LIMCH1: variants seen among roughly 807,000 people sequenced by gnomAD.
LIMCH1 encodes LIM and calponin homology domains-containing protein 1.
In LIMCH1, 113 loss-of-function variants were observed where a neutral mutation model predicts 176.5. The observed-to-expected ratio is 0.64, with a 90% confidence interval of 0.55 to 0.75. The LOEUF (loss-of-function observed/expected upper bound fraction) is 0.75. Ranked by LOEUF, LIMCH1 falls within the 30% of genes least tolerant of loss-of-function variation. The probability of loss-of-function intolerance (pLI) is 0.00; values close to 1 mark genes in which losing one functional copy is unlikely to be tolerated. For missense variants in LIMCH1, 1,674 were observed against 1,814.9 expected (o/e 0.92, Z 1.41); for synonymous variants, 619 against 645.9 (o/e 0.96, Z 0.63).
chr4:41,531,161 G>A (rs1416307860), intron 3 of LIMCH1, among the ~76,000 whole-genome samples: 1 of 151,914 alleles, frequency 6.6e-6, no homozygotes, highest in East Asian at 1.9e-4. Flanking sequence ...AACACTTTCC[G>A]AACATTTGTT....
chr4:41,480,042 G>GA (rs915419377), intron 1 of LIMCH1, among the ~76,000 whole-genome samples: 5 of 149,990 alleles, frequency 3.3e-5, no homozygotes, highest in East Asian at 3.9e-4. Context: ...TATGAAGCTT[G>GA]AAAAAAAAAT....
intron 1 of LIMCH1, among the ~76,000 whole-genome samples, chr4:41,407,415 A>C (rs2059076304): frequency 6.6e-6 from 1 of 152,246 alleles, no homozygotes. Flanking sequence ...TTTTTTGTAG[A>C]GAGGAGGTCT....
At chr4:41,424,260 T>C (rs2060880072) in intron 1 of LIMCH1, among the ~76,000 whole-genome samples, 1 of 152,140 alleles carries the variant, frequency 6.6e-6, no homozygotes, top group East Asian at 1.9e-4. Context: ...TCTTGTTTTA[T>C]ATATACAGCA....
At chr4:41,463,654 C>T (rs1024801642) in intron 1 of LIMCH1, among the ~76,000 whole-genome samples, 4 of 151,632 alleles carry the variant, frequency 2.6e-5, no homozygotes, top group African/African-American at 9.7e-5. Flanking sequence ...CGGCTCACTG[C>T]AGCCCCCATT....
At chr4:41,547,689 TATATATACATATATAATAGTATACAC>T (rs2079685245) in intron 1 of LIMCH1, among the ~76,000 whole-genome samples, 1 of 145,986 alleles carries the variant, frequency 6.8e-6, no homozygotes, top group Admixed American at 6.9e-5. Flanking sequence ...ATATGTATGT[TATATATACATATATAATAGTATACAC>T]ATATATACAT....
chr4:41,566,001 A>G (rs534519200), intron 1 of LIMCH1, among the ~76,000 whole-genome samples: 1 of 152,328 alleles, frequency 6.6e-6, no homozygotes, highest in Non-Finnish European at 1.5e-5. Context: ...CCTGTTTCAC[A>G]GATAAGGAAA....
rs34534406 is a variant in LIMCH1, at chr4:41,497,318, GAA to G, written c.167+2723_167+2724del. On this transcript the variant is annotated intron_variant, in intron 2 of 26. Transcript: ENST00000313860. ...TCCTGAGTTGTTGTAGGAGTCTAAA[GAA>G]AAAAAAAAAAGCTTCATCATTTTCA... Among the ~76,000 whole-genome samples the G allele has an allele frequency of 4.6e-3, 653 of 142,144 alleles. 1 individual carries two copies. The highest frequency in any genetic ancestry group is 9.7e-3 in the African/African-American group (377 of 39,024). 93.3% of individuals were successfully genotyped at this position (142,144 alleles called of 152,430 possible). A position where few individuals can be genotyped will look rare whatever the true frequency, so the allele number is the denominator to read the frequency against.
intron 1 of LIMCH1, among the ~76,000 whole-genome samples, chr4:41,597,449 T>A (rs957007141): frequency 6.6e-6 from 1 of 152,222 alleles, no homozygotes; most frequent in African/African-American, 2.4e-5. Flanking sequence ...ATGTATTAAT[T>A]TTTTTATTAC....
chr4:41,467,174 C>T (rs796292867), intron 1 of LIMCH1, among the ~76,000 whole-genome samples: 65,514 of 144,506 alleles, frequency 0.45, 16,488 homozygotes, highest in African/African-American at 0.69. Context: ...CACACACACA[C>T]ACACACACAC....
chr4:41,550,142 T>G (rs920880875), intron 1 of LIMCH1, among the ~76,000 whole-genome samples: 1 of 151,808 alleles, frequency 6.6e-6, no homozygotes. Context: ...CCATTTCTTA[T>G]GCCCACTGTC....
In LIMCH1 at chr4:41,367,943, CTG is replaced by C. The variant is rs1383941491; in HGVS notation, c.96+7009_96+7010del. On this transcript the variant is annotated intron_variant, in intron 1 of 26. Coordinates refer to the LIMCH1 transcript ENST00000313860. ...GCTTTTTCATTTCCATGACTGAAAA[CTG>C]TTAAAAAAAATTCCTCAGCCTTATT... Among the ~76,000 whole-genome samples the C allele has an allele frequency of 5.3e-5, 8 of 149,610 alleles. No individual in the cohort carries two copies. In the South Asian group the frequency reaches 1.5e-3, roughly 28 times the overall value.
intron 13 of LIMCH1, among the ~76,000 whole-genome samples, chr4:41,635,715 G>A (rs188537111): frequency 6.6e-6 from 1 of 152,190 alleles, no homozygotes; most frequent in Non-Finnish European, 1.5e-5. Context: ...TATGTGTAAA[G>A]CACTGTGCTG....
rs112671869 is a variant in LIMCH1, at chr4:41,670,671, C to T, written c.3398-883C>T. 1.4e-3 allele frequency: 2,000 copies of T among 1,401,900 alleles called. 26 individuals carry two copies. The African/African-American group carries it at 0.026, about 18-fold the overall frequency. 86.8% of individuals were successfully genotyped at this position (1,401,900 alleles called of 1,614,324 possible). ...AGCATGGTTCTATTCAGTTCTCACC[C>T]CAGTTTTCATGGTTTTCTGTTTGTT... On this transcript the variant is annotated intron_variant, in intron 21 of 31. Coordinates refer to ENST00000503057, the MANE Select transcript of LIMCH1 (RefSeq NM_001330672.2).
intron 22 of LIMCH1, 69 bp from the exon 23 acceptor site, chr4:41,676,313 T>G (rs2095217082): frequency 7.9e-7 from 1 of 1,267,220 alleles, no homozygotes; most frequent in Admixed American, 1.9e-5. Context: ...GCCAATTGTC[T>G]ACTCTTCACC....
chr4:41,680,080 A>G lies in LIMCH1; in HGVS notation c.3594A>G (p.Glu1198=), dbSNP rs750562823. The change falls in exon 24 of 32, where the codon GAA becomes GAG. Residue 1198 remains glutamate (E), a synonymous_variant. Coordinates refer to ENST00000503057, the MANE Select transcript of LIMCH1 (RefSeq NM_001330672.2). The part of the protein sequence containing the change: ...EKAQKEVEEE[E]RRYYEEERKI... ...CCCAAAAGGAGGTGGAAGAGGAAGAACGCAGATACTATGAGGAGGTAGGAA... is the reference window on the plus strand; with the variant it reads ...CCCAAAAGGAGGTGGAAGAGGAAGAGCGCAGATACTATGAGGAGGTAGGAA... 6.2e-7 allele frequency: 1 copy of G among 1,605,508 alleles called. No homozygotes were observed. The highest frequency in any genetic ancestry group is 1.7e-5 in the Admixed American group (1 of 59,102).
chr4:41,610,220 TG>T (rs1381009266), intron 4 of LIMCH1, among the ~76,000 whole-genome samples: 2 of 152,192 alleles, frequency 1.3e-5, no homozygotes, highest in African/African-American at 4.8e-5. Flanking sequence ...TCCTGTGGTT[TG>T]TAGGGTGAGG....
intron 1 of LIMCH1, among the ~76,000 whole-genome samples, chr4:41,458,822 C>T (rs970818290): frequency 4.8e-5 from 7 of 146,334 alleles, no homozygotes; most frequent in Admixed American, 2.7e-4. Context: ...TCTTGAATAT[C>T]AGGCTAAGGA....
chr4:41,565,372 C>T (rs1399039579), intron 1 of LIMCH1, among the ~76,000 whole-genome samples: 1 of 147,504 alleles, frequency 6.8e-6, no homozygotes, highest in African/African-American at 2.6e-5. Context: ...CACACACACA[C>T]ACACACACAC....
intron 1 of LIMCH1, among the ~76,000 whole-genome samples, chr4:41,570,833 C>G (rs961681641): frequency 1.3e-5 from 2 of 152,034 alleles, no homozygotes; most frequent in Non-Finnish European, 2.9e-5. Context: ...GAAAAAGGGA[C>G]TCAGGAAGAG....
Sources: allele counts gnomAD v4.1 joint callset (sites outside exome capture counted in the v4.1 genomes callset), GRCh38; gene constraint gnomAD v4.1.1; transcripts MANE v1.5; gene names NCBI Gene and HGNC (gene_info 2026-07-23, HGNC 2026-07-21).